NRDC: variants seen among roughly 807,000 people sequenced by gnomAD.
NRDC encodes nardilysin convertase.
A neutral mutation model predicts 147.1 loss-of-function variants in NRDC; 54 were observed. That is an observed-to-expected ratio of 0.37 (90% CI 0.29 to 0.46). NRDC has a LOEUF of 0.46. Among genes scored for constraint, NRDC ranks in the 20% least tolerant of loss-of-function variants. The pLI is 1.00. For synonymous variants in NRDC, 440 were observed against 482.1 expected, an observed-to-expected ratio of 0.91 and a Z score of 1.14; for missense variants, 1,082 against 1,370.6, an observed-to-expected ratio of 0.79 and a Z score of 3.33.
Position 51,822,846 on chromosome 1 carries a change from T to C in NRDC, c.1159+818A>G, listed in dbSNP as rs917694097. ...TTAGTGAACTCATTTTGATCATAAA[T>C]GCGAAAATGTTTTACATCTAAGAGC... On this transcript the variant is annotated intron_variant, in intron 7 of 30. Coordinates refer to ENST00000352171, the MANE Select transcript of NRDC (RefSeq NM_001101662.2). Among the ~76,000 whole-genome samples, 7 of 152,324 alleles carry C rather than the reference T, an allele frequency of 4.6e-5. No individual in the cohort carries two copies. The South Asian group carries it at 1.0e-3, about 23-fold the overall frequency.
intron 7 of NRDC, among the ~76,000 whole-genome samples, chr1:51,821,833 A>G (rs1680223014): frequency 6.6e-6 from 1 of 152,168 alleles, no homozygotes; most frequent in Non-Finnish European, 1.5e-5. Context: ...CTTTAGCATT[A>G]GGCTAGTGTG....
intron 1 of NRDC, among the ~76,000 whole-genome samples, chr1:51,841,778 T>G (rs533376897): frequency 6.6e-6 from 1 of 152,184 alleles, no homozygotes; most frequent in East Asian, 1.9e-4. Context: ...ATGACAGAGA[T>G]AAATACAGAA....
At chr1:51,826,039 T>A (rs1298714188) in intron 5 of NRDC, among the ~76,000 whole-genome samples, 1 of 152,172 alleles carries the variant, frequency 6.6e-6, no homozygotes, top group East Asian at 1.9e-4. Flanking sequence ...TGAAGGCAGT[T>A]TTCTATGAAC....
intron 1 of NRDC, among the ~76,000 whole-genome samples, chr1:51,876,621 A>C (rs1683340603): frequency 6.6e-6 from 1 of 152,190 alleles, no homozygotes; most frequent in African/African-American, 2.4e-5. Flanking sequence ...CTCAACCTGT[A>C]CAATCACATC....
intron 1 of NRDC, among the ~76,000 whole-genome samples, chr1:51,877,364 A>T (rs1683383172): frequency 6.6e-6 from 1 of 152,024 alleles, no homozygotes; most frequent in Non-Finnish European, 1.5e-5. Flanking sequence ...TCTATTTAAA[A>T]TACATCAAAG....
chr1:51,852,026 G>A (rs1681975142), intron 1 of NRDC, among the ~76,000 whole-genome samples: 1 of 152,152 alleles, frequency 6.6e-6, no homozygotes, highest in Non-Finnish European at 1.5e-5. Context: ...GCAGCCTACA[G>A]GTTTTTTGGT....
Position 51,836,205 on chromosome 1 carries a change from G to C in NRDC, c.638C>G (p.Ala213Gly), listed in dbSNP as rs1414324516. The C allele has an allele frequency of 6.2e-7, 1 of 1,613,866 alleles. No individual in the cohort carries two copies. The change falls in exon 3 of 31, where the codon GCG becomes GGG. Residue 213 changes from alanine to glycine, a missense_variant. Ala to Gly is a moderately conservative substitution (Grantham distance 60, BLOSUM62 0). Coordinates refer to ENST00000352171, the MANE Select transcript of NRDC (RefSeq NM_001101662.2). ...RKKTTEKQSA[A>G]ALCVGVGSFA... Reference sequence around the variant, plus strand: ...ACTCCCAACTCCAACACAAAGAGCCGCTGCAGACTGGAGTAATTAGAACAC... The same window carrying C: ...ACTCCCAACTCCAACACAAAGAGCCCCTGCAGACTGGAGTAATTAGAACAC...
chr1:51,846,718 G>T (rs187052258), intron 1 of NRDC, among the ~76,000 whole-genome samples: 32 of 152,360 alleles, frequency 2.1e-4, no homozygotes, highest in Non-Finnish European at 3.8e-4. Context: ...CGCCAACAGC[G>T]ATGGAACTCG....
At chr1:51,814,859 C>T in intron 11 of NRDC, 46 bp from the exon 12 acceptor site, 1 of 1,532,616 alleles carries the variant, frequency 6.5e-7, no homozygotes, top group Non-Finnish European at 8.7e-7. Flanking sequence ...CCTGGATTGA[C>T]AGTCTACAGA....
rs370502514 is a variant in NRDC at position 51,825,345 on chromosome 1, C to T, written c.978G>A (p.Lys326=). Residue 326 remains lysine, a synonymous_variant, in exon 6 of 31, where the codon AAG becomes AAA. Coordinates refer to ENST00000352171, the MANE Select transcript of NRDC (RefSeq NM_001101662.2). The part of the protein sequence containing the change: ...QLARPSDANR[K]EMLFGSLARP... ...TAGCAAGGCTTCCAAACAACATTTC[C>T]TTTCTGTTTGCATCAGAAGGCCTTG... The T allele has an allele frequency of 1.3e-4, 207 of 1,592,874 alleles. 3 individuals carry two copies. The South Asian group carries it at 2.3e-3, about 18-fold the overall frequency.
chr1:51,854,507 T>A (rs1682140114), intron 1 of NRDC, among the ~76,000 whole-genome samples: 1 of 152,216 alleles, frequency 6.6e-6, no homozygotes. Context: ...GGAATTGAGA[T>A]GACGCAGGGA....
At chr1:51,792,949 A>G (rs1678723214) in intron 24 of NRDC, among the ~76,000 whole-genome samples, 1 of 152,240 alleles carries the variant, frequency 6.6e-6, no homozygotes, top group Non-Finnish European at 1.5e-5. Context: ...AAAATAATGC[A>G]TTCAGAATGA....
At chr1:51,809,572 C>A (rs1679618793) in intron 16 of NRDC, among the ~76,000 whole-genome samples, 171 bp from the exon 17 acceptor site, 1 of 152,162 alleles carries the variant, frequency 6.6e-6, no homozygotes, top group Admixed American at 6.5e-5. Context: ...GTGGTCCTAG[C>A]AGCACTGGCA....
chr1:51,789,678 A>G (rs1461178891), intron 29 of NRDC, 21 bp from the exon 30 acceptor site: 5 of 1,550,570 alleles, frequency 3.2e-6, no homozygotes, highest in Non-Finnish European at 4.5e-6. Context: ...AAGGGAAGAT[A>G]GGAAAGAAAT....
chr1:51,878,444 A>G lies in NRDC; in HGVS notation c.172T>C (p.Ser58Pro). 1 of 1,614,006 alleles carries G rather than the reference A, an allele frequency of 6.2e-7. No individual in the cohort carries two copies. The highest frequency in any genetic ancestry group is 8.5e-7 in the Non-Finnish European group (1 of 1,180,022). Residue 58 changes from serine (S) to proline (P), a missense_variant, in exon 1 of 31, where the codon TCT becomes CCT. Around this residue, in one of 3 missense-constraint regions of NRDC, gnomAD observed 260 missense variants for 253.2 expected, o/e 1.03. Transcript: ENST00000352171. ...TGCAGGTCAGGGCAGCTGCAGGTAG[A>G]CTTCGCCTTGTTCCTTCCAGGCATG... ...LAMPGRNKAKSTCSCPDLQPN... is the reference protein window; with the variant it reads ...LAMPGRNKAKPTCSCPDLQPN...
At chr1:51,862,905 G>T (rs113645016) in intron 1 of NRDC, among the ~76,000 whole-genome samples, 2,293 of 151,200 alleles carry the variant, frequency 0.015, 63 homozygotes, top group African/African-American at 0.053. Flanking sequence ...AGCTACTCGG[G>T]AGGCTGAGGC....
intron 22 of NRDC, 40 bp downstream of exon 22, chr1:51,798,209 A>G (rs754511559): frequency 2.5e-6 from 4 of 1,602,024 alleles, no homozygotes; most frequent in South Asian, 2.2e-5. Flanking sequence ...AGAGTTCACA[A>G]CTGCATTCAG....
At chr1:51,799,104 T>G (rs1332914721) in intron 21 of NRDC, 1 of 152,226 alleles carries the variant, frequency 6.6e-6, no homozygotes, top group Non-Finnish European at 1.5e-5. Flanking sequence ...AATAGAAGGT[T>G]GTGTTTAATA....
intron 1 of NRDC, among the ~76,000 whole-genome samples, chr1:51,872,749 G>A (rs1032402786): frequency 4.6e-5 from 7 of 152,118 alleles, no homozygotes; most frequent in Non-Finnish European, 1.0e-4. Flanking sequence ...GGAATAGTAA[G>A]AGACAAAAGA....
Sources: allele counts gnomAD v4.1 joint callset (sites outside exome capture counted in the v4.1 genomes callset), GRCh38; gene constraint gnomAD v4.1.1; regional missense constraint gnomAD v4.1.1; transcripts MANE v1.5; gene names NCBI Gene and HGNC (gene_info 2026-07-23, HGNC 2026-07-21).